The following ZNF385D variants were observed in gnomAD, a reference collection of about 807,000 sequenced individuals.
The protein encoded by ZNF385D is zinc finger protein 659.
In ZNF385D, 15 loss-of-function variants were observed where a neutral mutation model predicts 35.8. The ratio of observed to expected loss-of-function variants is 0.42; its 90% CI spans 0.28 to 0.64. The LOEUF is 0.64. Ranked by LOEUF, ZNF385D falls within the 30% of genes least tolerant of loss-of-function variation. ZNF385D has a pLI of 0.23. For missense variants in ZNF385D, 474 were observed against 494.6 expected (o/e 0.96, Z 0.39); for synonymous variants, 212 against 186.8 (o/e 1.13, Z -1.10).
At chr3:21,923,141 G>A (rs145620915) in intron 3 of ZNF385D, among the ~76,000 whole-genome samples, 98 of 152,084 alleles carry the variant, frequency 6.4e-4, no homozygotes, top group Non-Finnish European at 2.8e-4. Context: ...CCATTAACTC[G>A]TGATTTACAT....
rs149487323 is a variant in ZNF385D at position 21,954,358 on chromosome 3, G to A, written c.325+214459C>T. On this transcript the variant is annotated intron_variant, in intron 3 of 5. Transcript: ENST00000494108. ...CTTTTGTTTCAAGTAAACACATAGG[G>A]ATCAATATTCTCAAAATTAGAGTTT... Among the ~76,000 whole-genome samples, 15 of 152,018 alleles carry A rather than the reference G, an allele frequency of 9.9e-5. No homozygotes were observed. The East Asian group carries it at 2.9e-3, about 30-fold the overall frequency.
chr3:22,358,877 G>T (rs114869242), intron 2 of ZNF385D, among the ~76,000 whole-genome samples: 157 of 151,538 alleles, frequency 1.0e-3, no homozygotes, highest in Middle Eastern at 3.4e-3. Context: ...AAATGAAAAA[G>T]ACACTCACCT....
At chr3:21,677,322 A>T (rs1575443878) in intron 1 of ZNF385D, among the ~76,000 whole-genome samples, 1 of 152,062 alleles carries the variant, frequency 6.6e-6, no homozygotes, top group Non-Finnish European at 1.5e-5. Context: ...TCTGGTTGAC[A>T]TCATCATGTT....
chr3:22,236,790 A>C (rs757497013), intron 2 of ZNF385D, among the ~76,000 whole-genome samples: 58 of 152,318 alleles, frequency 3.8e-4, no homozygotes, highest in Admixed American at 1.1e-3. Context: ...CATTTTATAT[A>C]AATAGAATCA....
At chr3:21,941,351 A>G (rs1285165853) in intron 3 of ZNF385D, among the ~76,000 whole-genome samples, 1 of 152,294 alleles carries the variant, frequency 6.6e-6, no homozygotes, top group Admixed American at 6.5e-5. Context: ...TAGTATATGT[A>G]TGCACTAAGC....
intron 2 of ZNF385D, among the ~76,000 whole-genome samples, chr3:22,365,478 A>G (rs1696614302): frequency 6.6e-6 from 1 of 152,092 alleles, no homozygotes; most frequent in Non-Finnish European, 1.5e-5. Flanking sequence ...CGAGATGTTT[A>G]TCTTTCTAAA....
At chr3:21,636,024 G>C (rs1037464167) in intron 2 of ZNF385D, among the ~76,000 whole-genome samples, 1 of 152,044 alleles carries the variant, frequency 6.6e-6, no homozygotes, top group Non-Finnish European at 1.5e-5. Context: ...AAACATGCAT[G>C]TGCAAGTATC....
intron 3 of ZNF385D, among the ~76,000 whole-genome samples, chr3:22,091,427 A>G (rs927839189): frequency 6.6e-5 from 10 of 152,310 alleles, no homozygotes; most frequent in Middle Eastern, 3.4e-3. Flanking sequence ...AAGATAGCAC[A>G]TAATCATCAA....
At chr3:21,816,007 G>A (rs977164451) in intron 3 of ZNF385D, among the ~76,000 whole-genome samples, 2 of 152,124 alleles carry the variant, frequency 1.3e-5, no homozygotes, top group Non-Finnish European at 2.9e-5. Flanking sequence ...TTCATCCCAG[G>A]GATGCAAGGC....
chr3:22,158,394 C>A (rs1034408457), intron 3 of ZNF385D, among the ~76,000 whole-genome samples: 2 of 152,012 alleles, frequency 1.3e-5, no homozygotes, highest in African/African-American at 4.8e-5. Flanking sequence ...GTGTTTAGGT[C>A]CAGTGTTTTA....
intron 2 of ZNF385D, among the ~76,000 whole-genome samples, chr3:22,269,112 T>C (rs1701045025): frequency 6.6e-6 from 1 of 151,924 alleles, no homozygotes; most frequent in Non-Finnish European, 1.5e-5. Context: ...ACAAACAGCT[T>C]ATACCCTGCC....
chr3:22,238,216 A>T, intron 2 of ZNF385D, among the ~76,000 whole-genome samples: 1 of 151,082 alleles, frequency 6.6e-6, no homozygotes, highest in Non-Finnish European at 1.5e-5. Flanking sequence ...GGCTTGTAGT[A>T]AGTTTTGCAA....
chr3:21,602,280 G>A (rs1435685324), intron 2 of ZNF385D, among the ~76,000 whole-genome samples: 1 of 152,030 alleles, frequency 6.6e-6, no homozygotes, highest in Non-Finnish European at 1.5e-5. Flanking sequence ...AGATTTGGGT[G>A]GGGACACAGC....
At chr3:22,008,583 C>G (rs1183537137) in intron 3 of ZNF385D, among the ~76,000 whole-genome samples, 2 of 152,102 alleles carry the variant, frequency 1.3e-5, no homozygotes, top group Admixed American at 1.3e-4. Context: ...GTCTCGATCT[C>G]CTGACCTCGT....
intron 4 of ZNF385D, among the ~76,000 whole-genome samples, chr3:21,505,983 G>A (rs973186147): frequency 1.3e-5 from 2 of 152,088 alleles, no homozygotes; most frequent in Non-Finnish European, 2.9e-5. Flanking sequence ...CTCTGATGGA[G>A]GCTGTGCTTC....
At chr3:22,190,617 T>A (rs553091363) in intron 2 of ZNF385D, among the ~76,000 whole-genome samples, 1 of 152,192 alleles carries the variant, frequency 6.6e-6, no homozygotes, top group Non-Finnish European at 1.5e-5. Flanking sequence ...ACAAGCCAAC[T>A]AGGACCGTCT....
chr3:21,949,830 G>C (rs1267140116), intron 3 of ZNF385D, among the ~76,000 whole-genome samples: 2 of 152,156 alleles, frequency 1.3e-5, no homozygotes, highest in Middle Eastern at 6.8e-3. Flanking sequence ...TCCAGTGTTA[G>C]TTTGCTGAGA....
chr3:22,210,305 T>C (rs975696727), intron 2 of ZNF385D, among the ~76,000 whole-genome samples: 16 of 151,920 alleles, frequency 1.1e-4, no homozygotes, highest in Admixed American at 9.9e-4. Context: ...TCTTCTATTT[T>C]AGATAGCATG....
At chr3:21,869,089 A>C (rs9862787) in intron 3 of ZNF385D, among the ~76,000 whole-genome samples, 1 of 152,070 alleles carries the variant, frequency 6.6e-6, no homozygotes, top group African/African-American at 2.4e-5. Context: ...CCTTCTACAA[A>C]AGTTGTATGC....
Sources: gnomAD v4.1 joint callset for allele counts (sites outside exome capture counted in the v4.1 genomes callset) on GRCh38, gnomAD v4.1.1 for gene constraint, MANE v1.5 for transcripts, NCBI Gene and HGNC (gene_info 2026-07-23, HGNC 2026-07-21) for gene names.